GTF3C1: variants seen among roughly 807,000 people sequenced by gnomAD.
The protein encoded by GTF3C1 is general transcription factor IIIC subunit 1.
GTF3C1 carries 57 observed loss-of-function variants against 226.7 expected under a neutral mutation model. That is an observed-to-expected ratio of 0.25 (90% CI 0.20 to 0.31). GTF3C1 has a LOEUF of 0.31. Among genes scored for constraint, GTF3C1 ranks in the 10% least tolerant of loss-of-function variants. GTF3C1 has a pLI of 1.00. For synonymous variants in GTF3C1, 1,090 were observed against 1,084.8 expected (o/e 1.00, Z -0.09); for missense variants, 2,217 against 2,776.1 (o/e 0.80, Z 4.53).
chr16:27,549,878 C>T lies in GTF3C1; in HGVS notation c.13G>A (p.Glu5Lys). The T allele has an allele frequency of 6.2e-7, 1 of 1,611,502 alleles. No homozygotes were observed. The change falls in exon 1 of 37, where the codon GAG (glutamate) becomes AAG (lysine). Residue 5 changes from glutamate (E) to lysine (K), a missense_variant. Physicochemically the swap from Glu to Lys is moderately conservative, Grantham distance 56. Coordinates refer to ENST00000356183, the MANE Select transcript of GTF3C1 (RefSeq NM_001520.4). MDALESLLDEVALEG... is the reference protein window; with the variant it reads MDALKSLLDEVALEG... ...AGAGCGACTTCGTCCAACAACGACT[C>T]CAGCGCGTCCATTGCTACTTCAGTC...
In GTF3C1 at chr16:27,460,837, C is replaced by T. The variant is rs559596915; in HGVS notation, c.*513G>A. The T allele has an allele frequency of 5.2e-5, 8 of 152,464 alleles. No homozygotes were observed. Among genetic ancestry groups the T allele is most frequent in the African/African-American group, 1.4e-4 (6 of 41,564 alleles). 9.4% of individuals were successfully genotyped at this position (152,464 alleles called of 1,614,324 possible). On this transcript the variant is annotated 3_prime_UTR_variant, in exon 37 of 37. Coordinates refer to ENST00000356183, the MANE Select transcript of GTF3C1 (RefSeq NM_001520.4). ...TGACTCACAAGGCTGAAAAGGGAGC[C>T]GCTCCGCTCTGGGTGGTTCAGTCCC... is the stretch of plus-strand genomic sequence containing the variant.
intron 32 of GTF3C1, among the ~76,000 whole-genome samples, chr16:27,466,515 C>CAATA (rs1463227704): frequency 1.3e-5 from 2 of 152,184 alleles, no homozygotes; most frequent in Non-Finnish European, 2.9e-5. Context: ...TGAAACACAA[C>CAATA]AATATTGAAG....
intron 28 of GTF3C1, among the ~76,000 whole-genome samples, chr16:27,478,030 G>A (rs953809897): frequency 6.6e-6 from 1 of 152,154 alleles, no homozygotes; most frequent in Non-Finnish European, 1.5e-5. Flanking sequence ...AATTAGCTGG[G>A]TGTGGTGGCA....
chr16:27,468,642 A>C (rs570986869), intron 32 of GTF3C1, among the ~76,000 whole-genome samples: 6 of 150,726 alleles, frequency 4.0e-5, no homozygotes, highest in Admixed American at 4.0e-4. Context: ...CATGCCTGTA[A>C]TCCCATCACT....
At chr16:27,465,918 A>AT (rs2087780785) in intron 32 of GTF3C1, 1 of 265,938 alleles carries the variant, frequency 3.8e-6, no homozygotes, top group Admixed American at 4.7e-5. Context: ...CCTGCTGCTC[A>AT]TGTACCCACT....
At chr16:27,515,465 C>CAA (rs74993489) in intron 6 of GTF3C1, among the ~76,000 whole-genome samples, 3 of 135,900 alleles carry the variant, frequency 2.2e-5, no homozygotes, top group Non-Finnish European at 1.6e-5. Flanking sequence ...CAAAACACAA[C>CAA]AAAAAAAAAA....
chr16:27,504,490 C>G (rs1268295743), intron 10 of GTF3C1, among the ~76,000 whole-genome samples: 1 of 152,234 alleles, frequency 6.6e-6, no homozygotes, highest in African/African-American at 2.4e-5. Context: ...TCACCTCTGC[C>G]ATAGGAACAC....
intron 2 of GTF3C1, among the ~76,000 whole-genome samples, chr16:27,541,144 A>T (rs1171161385): frequency 1.3e-5 from 2 of 152,164 alleles, no homozygotes; most frequent in African/African-American, 2.4e-5. Context: ...CCAGGCAAAG[A>T]GGTGACGCTT....
chr16:27,502,610 TTC>T (rs1368162905), intron 11 of GTF3C1, among the ~76,000 whole-genome samples: 2 of 152,210 alleles, frequency 1.3e-5, no homozygotes, highest in African/African-American at 4.8e-5. Flanking sequence ...CTCAGTCATT[TTC>T]TCTCTGTCTA....
chr16:27,548,262 C>T (rs1252772477), intron 1 of GTF3C1, among the ~76,000 whole-genome samples: 1 of 151,830 alleles, frequency 6.6e-6, no homozygotes, highest in East Asian at 1.9e-4. Flanking sequence ...AGTTTTGTCT[C>T]GAACATTATT....
intron 3 of GTF3C1, 22 bp downstream of exon 3, chr16:27,538,158 A>G: frequency 6.7e-7 from 1 of 1,498,568 alleles, no homozygotes; most frequent in Non-Finnish European, 9.0e-7. Flanking sequence ...TTTAAAGCAG[A>G]GAAGCAAATC....
At chr16:27,475,020 G>A (rs377483524) in intron 29 of GTF3C1, among the ~76,000 whole-genome samples, 3 of 152,242 alleles carry the variant, frequency 2.0e-5, no homozygotes, top group African/African-American at 7.2e-5. Flanking sequence ...CCAGGGTGCT[G>A]CTCTGAAGCA....
At chr16:27,514,680 T>C (rs2088629394) in intron 6 of GTF3C1, among the ~76,000 whole-genome samples, 1 of 152,168 alleles carries the variant, frequency 6.6e-6, no homozygotes, top group African/African-American at 2.4e-5. Context: ...CCGTGTACCC[T>C]ATGAACTGAC....
At chr16:27,493,401 C>T (rs1567396265) in intron 16 of GTF3C1, 105 bp from the exon 17 acceptor site, 1 of 685,812 alleles carries the variant, frequency 1.5e-6, no homozygotes, top group South Asian at 1.5e-5. Flanking sequence ...TCTCCCTGAA[C>T]CTGCCCACTG....
intron 5 of GTF3C1, among the ~76,000 whole-genome samples, chr16:27,530,785 C>T (rs780925414): frequency 2.0e-5 from 3 of 152,164 alleles, no homozygotes; most frequent in Non-Finnish European, 4.4e-5. Flanking sequence ...CTGTCTTCAT[C>T]GTGGGGGCCC....
Position 27,492,210 on chromosome 16 carries a change from GC to G in GTF3C1, c.3151+127del, listed in dbSNP as rs2088243113. The G allele has an allele frequency of 1.6e-6, 1 of 633,548 alleles. No homozygotes were observed. The highest frequency in any genetic ancestry group is 2.0e-5 in the South Asian group (1 of 49,432). 39.2% of individuals were successfully genotyped at this position (633,548 alleles called of 1,614,324 possible). A position where few individuals can be genotyped will look rare whatever the true frequency, so the allele number is the denominator to read the frequency against. On this transcript the variant is annotated intron_variant, in intron 19 of 36. Coordinates refer to ENST00000356183, the MANE Select transcript of GTF3C1 (RefSeq NM_001520.4). This position sits in a 1 kb window ranked among gnomAD's most constrained non-coding sequence, Gnocchi z 5.0. ...CAAGGGAGCCCCAGGGGTGCTCTGG[GC>G]CTCTGGGGAGCACTCGGAACATACC... is the stretch of plus-strand genomic sequence containing the variant.
chr16:27,525,125 T>G (rs7188070), intron 6 of GTF3C1, among the ~76,000 whole-genome samples: 1,797 of 149,414 alleles, frequency 0.012, 22 homozygotes, highest in Non-Finnish European at 0.02. Context: ...CACTCCAGCC[T>G]GGGCAATAGA....
rs2087836394 is a variant in GTF3C1 at position 27,469,605 on chromosome 16, C to T, written c.4815-55G>A. 1 of 1,561,992 alleles carries T rather than the reference C, an allele frequency of 6.4e-7. No individual in the cohort carries two copies. Among genetic ancestry groups the T allele is most frequent in the African/African-American group, 1.3e-5 (1 of 74,310 alleles). ...AGCATAGGCCAGCCAGTTGCTACTG[C>T]AGCCTCTCCCCTCCCTCAAGAGGCC... On this transcript the variant is annotated intron_variant, in intron 31 of 36. Transcript: ENST00000356183. This position sits in a 1 kb window ranked among gnomAD's most constrained non-coding sequence, Gnocchi z 4.5.
chr16:27,495,305 AGAG>A lies in GTF3C1; in HGVS notation c.2535_2537del (p.Ser846del). 2 of 1,613,156 alleles carry A rather than the reference AGAG, an allele frequency of 1.2e-6. No homozygotes were observed. Among genetic ancestry groups the A allele is most frequent in the African/African-American group, 1.3e-5 (1 of 75,048 alleles). On this transcript the variant is annotated inframe_deletion, in exon 15 of 37. Coordinates refer to ENST00000356183, the MANE Select transcript of GTF3C1 (RefSeq NM_001520.4). ...CAGAGCAGGCCTCCCAGGCACTTCC[AGAG>A]GAGGACGGCCGGACGCCTGCCCTGC...
Sources: gnomAD v4.1 joint callset for allele counts (sites outside exome capture counted in the v4.1 genomes callset) on GRCh38, gnomAD v4.1.1 for gene constraint, Gnocchi (gnomAD v3.1) non-coding constraint, MANE v1.5 for transcripts, NCBI Gene and HGNC (gene_info 2026-07-23, HGNC 2026-07-21) for gene names.